Variants in SLC12A6 observed in about 807,000 individuals in gnomAD.
SLC12A6 encodes K-Cl cotransporter 3.
In SLC12A6, 66 loss-of-function variants were observed where a neutral mutation model predicts 135.3. That is an observed-to-expected ratio of 0.49 (90% CI 0.40 to 0.60). The LOEUF (loss-of-function observed/expected upper bound fraction) is 0.60. Among genes scored for constraint, SLC12A6 ranks in the 20% least tolerant of loss-of-function variants. The pLI is 0.00. For synonymous variants in SLC12A6, 513 were observed against 508.8 expected (o/e 1.01, Z -0.11); for missense variants, 1,058 against 1,452.3 (o/e 0.73, Z 4.41).
chr15:34,287,518 G>T (rs941166729), intron 2 of SLC12A6, among the ~76,000 whole-genome samples: 4 of 152,204 alleles, frequency 2.6e-5, no homozygotes, highest in South Asian at 4.2e-4. Flanking sequence ...GGGTCAAATG[G>T]TATTTCTAGT....
chr15:34,337,353 AGAG>A lies in SLC12A6; in HGVS notation c.-97_-95del, dbSNP rs1890267922. The A allele has an allele frequency of 6.4e-6, 1 of 155,536 alleles. No individual in the cohort carries two copies. The highest frequency in any genetic ancestry group is 1.8e-4 in the South Asian group (1 of 5,424). 9.6% of individuals were successfully genotyped at this position (155,536 alleles called of 1,614,324 possible). A position where few individuals can be genotyped will look rare whatever the true frequency, so the allele number is the denominator to read the frequency against. ...CCACACTACTGAGAGAAGGGTGAGC[AGAG>A]GAGGATGCAGGGGCAGAGCGGATTC... On this transcript the variant is annotated 5_prime_UTR_variant, in exon 1 of 26. Coordinates refer to ENST00000354181, the MANE Select transcript of SLC12A6 (RefSeq NM_001365088.1).
chr15:34,299,501 G>C (rs905828199), intron 2 of SLC12A6: 2 of 152,176 alleles, frequency 1.3e-5, no homozygotes, highest in African/African-American at 4.8e-5. Flanking sequence ...TAAGACAAGT[G>C]ATTGCAGTGG....
chr15:34,315,574 A>G (rs998812212), intron 2 of SLC12A6, among the ~76,000 whole-genome samples: 4 of 152,180 alleles, frequency 2.6e-5, no homozygotes, highest in African/African-American at 9.7e-5. Flanking sequence ...AAAAAATAAA[A>G]ATAATTTTTA....
At chr15:34,279,317 AAAAC>A (rs1894512577) in intron 2 of SLC12A6, among the ~76,000 whole-genome samples, 1 of 152,166 alleles carries the variant, frequency 6.6e-6, no homozygotes, top group African/African-American at 2.4e-5. Context: ...CCGTCTCAAA[AAAAC>A]AAACAAAAAA....
rs546391536 is a variant in SLC12A6 at position 34,308,742 on chromosome 15, C to T, written c.271+27668G>A. 6.0e-5 allele frequency among the ~76,000 whole-genome samples: 9 copies of T among 150,740 alleles called. No individual in the cohort carries two copies. In the South Asian group the frequency reaches 1.9e-3, roughly 31 times the overall value. ...ATTCTACATTTGTAAATACTCTATGCGAAATAAAAAAGCAATCCAAAACAA... is the reference window on the plus strand; with the variant it reads ...ATTCTACATTTGTAAATACTCTATGTGAAATAAAAAAGCAATCCAAAACAA... On this transcript the variant is annotated intron_variant, in intron 2 of 25. Transcript: ENST00000354181.
chr15:34,267,218 G>A (rs368061038), intron 3 of SLC12A6, among the ~76,000 whole-genome samples: 6 of 147,572 alleles, frequency 4.1e-5, no homozygotes, highest in South Asian at 4.4e-4. Flanking sequence ...GGTGTCCAAC[G>A]TTCCCAGTAG....
intron 2 of SLC12A6, among the ~76,000 whole-genome samples, chr15:34,282,643 C>T (rs1894763616): frequency 6.6e-6 from 1 of 152,128 alleles, no homozygotes; most frequent in African/African-American, 2.4e-5. Flanking sequence ...ATCTCAGCTA[C>T]TCAGGAGGCT....
At chr15:34,236,229 C>T in intron 23 of SLC12A6, 30 bp from the exon 24 acceptor site, 1 of 1,575,724 alleles carries the variant, frequency 6.3e-7, no homozygotes. Context: ...ACAAGTTATT[C>T]TACCAAATTT....
chr15:34,251,691 G>A (rs1272047865), intron 10 of SLC12A6, among the ~76,000 whole-genome samples: 1 of 152,116 alleles, frequency 6.6e-6, no homozygotes, highest in African/African-American at 2.4e-5. Context: ...ATTATTATTT[G>A]TCATCAGTGC....
chr15:34,265,958 T>C (rs909015244), intron 3 of SLC12A6, among the ~76,000 whole-genome samples: 8 of 150,430 alleles, frequency 5.3e-5, no homozygotes, highest in African/African-American at 1.7e-4. Flanking sequence ...GAGAGAGTAA[T>C]GTGAGAGTGT....
chr15:34,263,850 A>G (rs962770753), intron 3 of SLC12A6, among the ~76,000 whole-genome samples: 19 of 152,200 alleles, frequency 1.2e-4, no homozygotes, highest in African/African-American at 4.1e-4. Context: ...GGGGTTCCCA[A>G]TGCCCCAAAA....
At chr15:34,284,422 G>A (rs1002041139) in intron 2 of SLC12A6, among the ~76,000 whole-genome samples, 4 of 147,754 alleles carry the variant, frequency 2.7e-5, no homozygotes, top group South Asian at 2.2e-4. Flanking sequence ...ACAGGCACCC[G>A]CCCACCACGC....
At chr15:34,293,328 A>G (rs982737225) in intron 2 of SLC12A6, among the ~76,000 whole-genome samples, 2 of 152,190 alleles carry the variant, frequency 1.3e-5, no homozygotes, top group Non-Finnish European at 2.9e-5. Flanking sequence ...TTTTTGAGAC[A>G]GAGTCTCACT....
rs573356622 is a variant in SLC12A6, at chr15:34,283,492, G to A, written c.272-8103C>T. ...TTTCTGAGGAGGTAACCCTTAAGGTGAGACTTGCATGAAAAGGAGCCAGAC... is the reference window on the plus strand; with the variant it reads ...TTTCTGAGGAGGTAACCCTTAAGGTAAGACTTGCATGAAAAGGAGCCAGAC... On this transcript the variant is annotated intron_variant, in intron 2 of 25. Coordinates refer to ENST00000354181, the MANE Select transcript of SLC12A6 (RefSeq NM_001365088.1). Among the ~76,000 whole-genome samples, 24 of 152,258 alleles carry A rather than the reference G, an allele frequency of 1.6e-4. No individual in the cohort carries two copies. The South Asian group carries it at 4.8e-3, about 30-fold the overall frequency.
intron 10 of SLC12A6, 36 bp from the exon 11 acceptor site, chr15:34,251,093 G>T: frequency 3.9e-6 from 5 of 1,274,430 alleles, no homozygotes; most frequent in Non-Finnish European, 5.4e-6. Flanking sequence ...AGCAGCAGCA[G>T]TATGAAAAAA....
intron 2 of SLC12A6, among the ~76,000 whole-genome samples, chr15:34,321,164 T>C (rs534877433): frequency 2.0e-5 from 3 of 152,308 alleles, no homozygotes; most frequent in Non-Finnish European, 2.9e-5. Context: ...GTAGGCAACA[T>C]AGAGTATGTT....
intron 2 of SLC12A6, chr15:34,318,507 CTTCT>C: frequency 2.1e-6 from 3 of 1,404,628 alleles, no homozygotes; most frequent in South Asian, 2.3e-5. Context: ...ATCCTAGTTA[CTTCT>C]TTCATGAAAC....
At chr15:34,262,112 A>G (rs1346650946) in intron 3 of SLC12A6, among the ~76,000 whole-genome samples, 1 of 152,244 alleles carries the variant, frequency 6.6e-6, no homozygotes, top group Non-Finnish European at 1.5e-5. Context: ...AAGCCTAGCT[A>G]CAAGTCCTGG....
chr15:34,304,923 T>C (rs181959132), intron 2 of SLC12A6, among the ~76,000 whole-genome samples: 255 of 152,334 alleles, frequency 1.7e-3, no homozygotes, highest in African/African-American at 5.9e-3. Context: ...AAACCCCTTC[T>C]TGAATTTTCT....
Sources: allele counts gnomAD v4.1 joint callset (sites outside exome capture counted in the v4.1 genomes callset), GRCh38; gene constraint gnomAD v4.1.1; transcripts MANE v1.5; gene names NCBI Gene and HGNC (gene_info 2026-07-23, HGNC 2026-07-21).